CGGBP1: variants seen among roughly 807,000 people sequenced by gnomAD.
CGGBP1 encodes CGG triplet repeat-binding protein 1.
Under a neutral mutation model 11.4 loss-of-function variants are expected in CGGBP1, and 4 were observed. The ratio of observed to expected loss-of-function variants is 0.35; its 90% CI spans 0.17 to 0.80. The LOEUF is 0.80. Among genes scored for constraint, CGGBP1 ranks in the 30% least tolerant of loss-of-function variants. The pLI, the probability that CGGBP1 is intolerant of heterozygous loss-of-function variation, is 0.52. For synonymous variants in CGGBP1, 76 were observed against 74.1 expected (o/e 1.03, Z -0.13); for missense variants, 135 against 202.1 (o/e 0.67, Z 2.01).
intron 2 of CGGBP1, among the ~76,000 whole-genome samples, chr3:88,103,265 T>A (rs1704539373): frequency 6.6e-6 from 1 of 152,178 alleles, no homozygotes; most frequent in African/African-American, 2.4e-5. Flanking sequence ...ATAATACGTT[T>A]GAGCAGATTG....
intron 2 of CGGBP1, among the ~76,000 whole-genome samples, chr3:88,107,637 TCC>T (rs1704825465): frequency 6.6e-6 from 1 of 152,158 alleles, no homozygotes; most frequent in Non-Finnish European, 1.5e-5. Flanking sequence ...ACCTCTGTGT[TCC>T]TTAACTCTTG....
intron 1 of CGGBP1, chr3:88,144,380 GTT>G (rs1707259212): frequency 6.6e-6 from 1 of 152,316 alleles, no homozygotes; most frequent in South Asian, 2.1e-4. Context: ...GGATGATAGT[GTT>G]TATTTTTTAA....
chr3:88,066,158 T>G (rs773790561), intron 2 of CGGBP1, among the ~76,000 whole-genome samples: 2 of 152,250 alleles, frequency 1.3e-5, no homozygotes, highest in Non-Finnish European at 2.9e-5. Context: ...AATAAACTTA[T>G]GAAAATCATT....
intron 1 of CGGBP1, among the ~76,000 whole-genome samples, chr3:88,058,490 C>A (rs902653749): frequency 6.6e-6 from 1 of 152,122 alleles, no homozygotes; most frequent in Non-Finnish European, 1.5e-5. Context: ...GGGACGTTCC[C>A]GGCGTCTGGG....
intron 2 of CGGBP1, among the ~76,000 whole-genome samples, chr3:88,136,451 G>A (rs1298907520): frequency 1.3e-5 from 2 of 152,266 alleles, no homozygotes; most frequent in East Asian, 3.9e-4. Context: ...ACTGTGAAGA[G>A]TCATAAATAC....
At chr3:88,146,075 T>C (rs777601201) in intron 1 of CGGBP1, among the ~76,000 whole-genome samples, 2 of 152,188 alleles carry the variant, frequency 1.3e-5, no homozygotes, top group African/African-American at 2.4e-5. Flanking sequence ...GGTAGAGATA[T>C]CTGGTTGATG....
chr3:88,122,697 A>G (rs1705841896), intron 2 of CGGBP1, among the ~76,000 whole-genome samples: 1 of 152,162 alleles, frequency 6.6e-6, no homozygotes, highest in Non-Finnish European at 1.5e-5. Flanking sequence ...TTATTATTTA[A>G]GTAAATATTC....
chr3:88,134,487 A>G (rs1706653168), intron 2 of CGGBP1, among the ~76,000 whole-genome samples: 1 of 152,074 alleles, frequency 6.6e-6, no homozygotes, highest in Non-Finnish European at 1.5e-5. Flanking sequence ...CTTGTGCATC[A>G]AATAACAGTG....
intron 2 of CGGBP1, among the ~76,000 whole-genome samples, chr3:88,088,813 C>T (rs1708482234): frequency 6.6e-6 from 1 of 151,766 alleles, no homozygotes; most frequent in Middle Eastern, 3.2e-3. Flanking sequence ...GGCTCTGTCG[C>T]CTAGGTTGGA....
rs575487476 is a variant in CGGBP1 at position 88,113,213 on chromosome 3, T to C, written c.-229+27757A>G. The C allele has an allele frequency of 1.6e-4, 238 of 1,472,072 alleles. No homozygotes were observed. In the African/African-American group the frequency reaches 3.0e-3, roughly 18 times the overall value. 91.2% of individuals were successfully genotyped at this position (1,472,072 alleles called of 1,614,324 possible). ...TCATTCCAGGTAAAAAACAGTTTAC[T>C]ACTTCACACTTTGTCTACACTTAAA... On this transcript the variant is annotated intron_variant, in intron 2 of 3. Coordinates refer to the CGGBP1 transcript ENST00000462901.
chr3:88,091,988 A>G (rs969466374), intron 2 of CGGBP1, among the ~76,000 whole-genome samples: 1 of 152,250 alleles, frequency 6.6e-6, no homozygotes, highest in Non-Finnish European at 1.5e-5. Context: ...TAATGTGTTA[A>G]GCAGAAGCAA....
chr3:88,138,656 C>CA (rs1361558484), intron 2 of CGGBP1: 1 of 1,135,136 alleles, frequency 8.8e-7, no homozygotes, highest in African/African-American at 1.6e-5. Flanking sequence ...CTAGTATAAC[C>CA]ATTTTTTTGG....
intron 2 of CGGBP1, among the ~76,000 whole-genome samples, chr3:88,067,928 A>G (rs763580564): frequency 2.6e-5 from 4 of 151,884 alleles, no homozygotes; most frequent in Non-Finnish European, 4.4e-5. Flanking sequence ...GTGTACACTT[A>G]AAATCTGGTG....
At chr3:88,111,599 T>G (rs1183630767) in intron 2 of CGGBP1, among the ~76,000 whole-genome samples, 1 of 152,046 alleles carries the variant, frequency 6.6e-6, no homozygotes, top group Admixed American at 6.6e-5. Context: ...TACCCTATGG[T>G]AGACATTCTG....
chr3:88,058,155 T>C lies in CGGBP1; in HGVS notation c.-262A>G, dbSNP rs1706615162. On this transcript the variant is annotated 5_prime_UTR_variant, in exon 2 of 4. Transcript: ENST00000482016. ...GCCTTCAAATCAGTTTTTCAACAAG[T>C]GGTGGTGGGGAAATAGTTTCTGGGC... 6.6e-6 allele frequency: 1 copy of C among 152,158 alleles called. No homozygotes were observed. The highest frequency in any genetic ancestry group is 1.5e-5 in the Non-Finnish European group (1 of 68,040). The allele number at this position is 152,158 out of a possible 1,614,324, so 9.4% of individuals were successfully genotyped here. A position where few individuals can be genotyped will look rare whatever the true frequency, so the allele number is the denominator to read the frequency against.
upstream of CGGBP1, chr3:88,059,069 A>C: frequency 2.9e-6 from 2 of 694,920 alleles, no homozygotes; most frequent in Non-Finnish European, 4.5e-6. Context: ...CGGCCGGTTT[A>C]TCAAACAGAC....
At position 88,106,270 on chromosome 3, in the gene CGGBP1, T is replaced by A. The variant is rs182563736; in HGVS notation, c.-229+34700A>T. On this transcript the variant is annotated intron_variant, in intron 2 of 3. Coordinates refer to the CGGBP1 transcript ENST00000462901. ...TATAAATTAGTTGGACTTTTTCTTT[T>A]CATTATTGTTATAGGGATGTTAAGC... Among the ~76,000 whole-genome samples, 697 of 152,318 alleles carry A rather than the reference T, an allele frequency of 4.6e-3. 4 individuals are homozygous for A. The highest frequency in any genetic ancestry group is 0.01 in the Middle Eastern group (3 of 294).
intron 3 of CGGBP1, chr3:88,056,251 G>A (rs954784690): frequency 6.3e-6 from 2 of 315,402 alleles, no homozygotes; most frequent in African/African-American, 4.3e-5. Context: ...AGACTATAAA[G>A]AAAGAACTCA....
chr3:88,106,371 T>C (rs55923163), intron 2 of CGGBP1, among the ~76,000 whole-genome samples: 22,626 of 152,152 alleles, frequency 0.15, 1,765 homozygotes, highest in African/African-American at 0.18. Context: ...AGAGTCTCAC[T>C]CTGTCACCCA....
Sources: allele counts gnomAD v4.1 joint callset (sites outside exome capture counted in the v4.1 genomes callset), GRCh38; gene constraint gnomAD v4.1.1; transcripts MANE v1.5; gene names NCBI Gene and HGNC (gene_info 2026-07-23, HGNC 2026-07-21).